The following NXPH1 variants were observed in gnomAD, a reference collection of about 807,000 sequenced individuals.
NXPH1 encodes neurexophilin 1.
In NXPH1, 5 loss-of-function variants were observed where a neutral mutation model predicts 23.7. The ratio of observed to expected loss-of-function variants is 0.21; its 90% CI spans 0.11 to 0.44. NXPH1 has a LOEUF of 0.44. Among genes scored for constraint, NXPH1 ranks in the 20% least tolerant of loss-of-function variants. The probability of loss-of-function intolerance (pLI) is 0.99; values close to 1 mark genes in which losing one functional copy is unlikely to be tolerated. For missense variants in NXPH1, 324 were observed against 321.6 expected (o/e 1.01, Z -0.06); for synonymous variants, 144 against 122.2 (o/e 1.18, Z -1.18).
chr7:8,491,653 C>T (rs983469397), intron 2 of NXPH1, among the ~76,000 whole-genome samples: 2 of 152,142 alleles, frequency 1.3e-5, no homozygotes, highest in Admixed American at 1.3e-4. Flanking sequence ...ATCGTTTAGG[C>T]TGGCTTCCCA....
At position 8,567,231 on chromosome 7, in the gene NXPH1, C is replaced by A. The variant is rs73235734; in HGVS notation, c.54+131464C>A. Among the ~76,000 whole-genome samples, 702 of 152,024 alleles carry A rather than the reference C, an allele frequency of 4.6e-3. 6 individuals carry two copies. Among genetic ancestry groups the A allele is most frequent in the African/African-American group, 0.016 (659 of 41,540 alleles). ...CTTTTGGGTTTTCTAGAAACCATTTCTTGAGAAGCCCTGTTTCATTTTATT... is the reference window on the plus strand; with the variant it reads ...CTTTTGGGTTTTCTAGAAACCATTTATTGAGAAGCCCTGTTTCATTTTATT... On this transcript the variant is annotated intron_variant, in intron 2 of 2. Transcript: ENST00000405863.
At position 8,434,739 on chromosome 7, in the gene NXPH1, G is replaced by T. The variant is rs570345610; in HGVS notation, c.-127G>T. 2.7e-4 allele frequency: 41 copies of T among 152,776 alleles called. No individual in the cohort carries two copies. Among genetic ancestry groups the T allele is most frequent in the African/African-American group, 8.7e-4 (36 of 41,538 alleles). 9.5% of individuals were successfully genotyped at this position (152,776 alleles called of 1,614,324 possible). A position where few individuals can be genotyped will look rare whatever the true frequency, so the allele number is the denominator to read the frequency against. On this transcript the variant is annotated 5_prime_UTR_variant, in exon 1 of 3. Coordinates refer to ENST00000405863, the MANE Select transcript of NXPH1 (RefSeq NM_152745.3). The surrounding 1 kb of genome is among the most constrained non-coding windows in gnomAD (Gnocchi z 7.6). ...AGAGCGGTCCCTTCTCGCAGGATTC[G>T]CCCCAAGTCCTGTGCGGTACGTACC...
At chr7:8,549,197 T>G (rs1329936732) in intron 2 of NXPH1, among the ~76,000 whole-genome samples, 3 of 151,580 alleles carry the variant, frequency 2.0e-5, no homozygotes, top group African/African-American at 7.3e-5. Flanking sequence ...ATTACTGTTA[T>G]GATTCCAGAT....
At chr7:8,724,350 AC>A (rs1233868989) in intron 2 of NXPH1, among the ~76,000 whole-genome samples, 1 of 152,158 alleles carries the variant, frequency 6.6e-6, no homozygotes, top group Non-Finnish European at 1.5e-5. Flanking sequence ...TAATTAAAAT[AC>A]CTCTCAGTAT....
intron 2 of NXPH1, among the ~76,000 whole-genome samples, chr7:8,514,055 T>C (rs1455640181): frequency 2.6e-5 from 4 of 152,122 alleles, no homozygotes; most frequent in African/African-American, 9.6e-5. Context: ...TTGTTCCTTT[T>C]TATAAAGACA....
intron 2 of NXPH1, among the ~76,000 whole-genome samples, chr7:8,716,001 A>G (rs2115201958): frequency 6.6e-6 from 1 of 152,278 alleles, no homozygotes; most frequent in South Asian, 2.1e-4. Context: ...ATGTGTACAT[A>G]TATGTATATT....
Position 8,751,784 on chromosome 7 carries a change from G to T in NXPH1, c.*15G>T. On this transcript the variant is annotated 3_prime_UTR_variant, in exon 3 of 3. Transcript: ENST00000405863. This position sits in a 1 kb window ranked among gnomAD's most constrained non-coding sequence, Gnocchi z 4.5. ...CCTCGGGATGAAGGTGAACATGGGG[G>T]TGAGACTGAAGCCTGAGGAATTAAA... 3 of 1,596,630 alleles carry T rather than the reference G, an allele frequency of 1.9e-6. No homozygotes were observed. The highest frequency in any genetic ancestry group is 1.7e-5 in the Admixed American group (1 of 58,628).
chr7:8,626,012 G>C (rs1282085561), intron 2 of NXPH1, among the ~76,000 whole-genome samples: 1 of 151,998 alleles, frequency 6.6e-6, no homozygotes, highest in East Asian at 1.9e-4. Flanking sequence ...GTGATATATG[G>C]TAACTACTTT....
chr7:8,748,917 A>G (rs1252079952), intron 2 of NXPH1, among the ~76,000 whole-genome samples: 1 of 152,228 alleles, frequency 6.6e-6, no homozygotes, highest in Admixed American at 6.5e-5. Context: ...AGCCACACTC[A>G]TGTTACCTCA....
At chr7:8,675,016 G>A (rs573169971) in intron 2 of NXPH1, among the ~76,000 whole-genome samples, 14 of 152,262 alleles carry the variant, frequency 9.2e-5, no homozygotes, top group Non-Finnish European at 1.9e-4. Context: ...TACCAGGGCT[G>A]ACAGGTTTTT....
At chr7:8,531,272 A>T (rs951317003) in intron 2 of NXPH1, among the ~76,000 whole-genome samples, 3 of 152,180 alleles carry the variant, frequency 2.0e-5, no homozygotes, top group African/African-American at 7.2e-5. Context: ...ACAGTCCATA[A>T]ATAGCTATAG....
At chr7:8,690,111 A>G (rs1051877816) in intron 2 of NXPH1, among the ~76,000 whole-genome samples, 2 of 152,218 alleles carry the variant, frequency 1.3e-5, no homozygotes, top group South Asian at 2.1e-4. Flanking sequence ...TAATAAAGCA[A>G]TCTAGACTCA....
At chr7:8,656,652 C>A (rs1489648359) in intron 2 of NXPH1, among the ~76,000 whole-genome samples, 3 of 151,814 alleles carry the variant, frequency 2.0e-5, no homozygotes, top group Non-Finnish European at 4.4e-5. Flanking sequence ...ACTAACTCGT[C>A]ATCTAGCATT....
intron 2 of NXPH1, among the ~76,000 whole-genome samples, chr7:8,720,955 C>T (rs1300083205): frequency 2.0e-5 from 3 of 152,160 alleles, no homozygotes; most frequent in Non-Finnish European, 2.9e-5. Context: ...GGGAAATAAG[C>T]TGTAGAGTCA....
At chr7:8,642,218 A>C (rs1299349406) in intron 2 of NXPH1, among the ~76,000 whole-genome samples, 1 of 152,154 alleles carries the variant, frequency 6.6e-6, no homozygotes, top group Non-Finnish European at 1.5e-5. Context: ...CTTGCATCAT[A>C]CTTGGTTGAT....
At position 8,470,824 on chromosome 7, in the gene NXPH1, A is replaced by T. The variant is rs116625679; in HGVS notation, c.54+35057A>T. On this transcript the variant is annotated intron_variant, in intron 2 of 2. Transcript: ENST00000405863. ...ATGTTTTCAAGGCTGGCAATTGTGA[A>T]CAGTCTTCGTCTTCACCAGCTATGG... Among the ~76,000 whole-genome samples the T allele has an allele frequency of 8.2e-3, 1,247 of 152,292 alleles. 17 individuals are homozygous for T. The highest frequency in any genetic ancestry group is 0.028 in the African/African-American group (1,175 of 41,574).
intron 2 of NXPH1, among the ~76,000 whole-genome samples, chr7:8,589,103 A>C (rs1249020564): frequency 6.6e-6 from 1 of 152,160 alleles, no homozygotes; most frequent in Non-Finnish European, 1.5e-5. Flanking sequence ...ACACCTGGAT[A>C]ACTGACTTTT....
chr7:8,567,605 C>T (rs1215189904), intron 2 of NXPH1, among the ~76,000 whole-genome samples: 1 of 151,872 alleles, frequency 6.6e-6, no homozygotes, highest in African/African-American at 2.4e-5. Context: ...TATAAAGCAA[C>T]AAAATATTGA....
At chr7:8,608,769 C>T (rs569699617) in intron 2 of NXPH1, among the ~76,000 whole-genome samples, 24 of 151,960 alleles carry the variant, frequency 1.6e-4, no homozygotes, top group Admixed American at 8.5e-4. Context: ...ATCCATTTTT[C>T]GTGTGATATG....
Sources: allele counts gnomAD v4.1 joint callset (sites outside exome capture counted in the v4.1 genomes callset), GRCh38; gene constraint gnomAD v4.1.1; non-coding constraint Gnocchi (gnomAD v3.1); transcripts MANE v1.5; gene names NCBI Gene and HGNC (gene_info 2026-07-23, HGNC 2026-07-21).